The following KLHL3 variants were observed in gnomAD, a reference collection of about 807,000 sequenced individuals.
The protein encoded by KLHL3 is kelch-like protein 3.
Under a neutral mutation model 70.5 loss-of-function variants are expected in KLHL3, and 19 were observed. The observed-to-expected ratio is 0.27, with a 90% confidence interval of 0.19 to 0.40. The LOEUF is 0.40. Ranked by LOEUF, KLHL3 falls within the 10% of genes least tolerant of loss-of-function variation. The pLI, the probability that KLHL3 is intolerant of heterozygous loss-of-function variation, is 1.00. For missense variants in KLHL3, 512 were observed against 771.1 expected (o/e 0.66, Z 3.98); for synonymous variants, 258 against 290.3 (o/e 0.89, Z 1.13).
chr5:137,663,317 A>G (rs901498459), intron 6 of KLHL3, among the ~76,000 whole-genome samples: 6 of 151,814 alleles, frequency 4.0e-5, no homozygotes, highest in African/African-American at 1.5e-4. Flanking sequence ...TTAGCCTCCC[A>G]AAGTGCTGGG....
chr5:137,668,488 A>C (rs1383676781), intron 6 of KLHL3, among the ~76,000 whole-genome samples: 1 of 152,126 alleles, frequency 6.6e-6, no homozygotes, highest in Non-Finnish European at 1.5e-5. Flanking sequence ...TCCTAATTAC[A>C]ATCCTCCACG....
intron 8 of KLHL3, among the ~76,000 whole-genome samples, chr5:137,640,998 A>G (rs1040758572): frequency 9.2e-5 from 14 of 152,240 alleles, no homozygotes; most frequent in Admixed American, 1.3e-4. Flanking sequence ...GTCAAACACA[A>G]TGAAAACTAC....
intron 1 of KLHL3, among the ~76,000 whole-genome samples, chr5:137,726,150 C>T (rs747528607): frequency 1.7e-4 from 26 of 152,164 alleles, no homozygotes; most frequent in Non-Finnish European, 3.5e-4. Context: ...CAGGTCTCTT[C>T]GGGGCTGTGA....
At chr5:137,729,229 T>A (rs1023812961) in intron 1 of KLHL3, among the ~76,000 whole-genome samples, 5 of 152,122 alleles carry the variant, frequency 3.3e-5, no homozygotes, top group African/African-American at 1.2e-4. Context: ...GCAAAACCAC[T>A]CAATGAAGGC....
intron 6 of KLHL3, among the ~76,000 whole-genome samples, chr5:137,669,280 G>T (rs1751690734): frequency 6.6e-6 from 1 of 152,040 alleles, no homozygotes; most frequent in Admixed American, 6.6e-5. Context: ...TCTCCTCTAT[G>T]TGAATATAAG....
intron 8 of KLHL3, among the ~76,000 whole-genome samples, chr5:137,649,802 G>T (rs1360589984): frequency 6.6e-6 from 1 of 152,172 alleles, no homozygotes; most frequent in African/African-American, 2.4e-5. Flanking sequence ...CTCAGTAATT[G>T]ATATCTGCTG....
In KLHL3 at chr5:137,639,848, G is replaced by A. The variant is rs997042285; in HGVS notation, c.1021+12C>T. On this transcript the variant is annotated intron_variant, in intron 9 of 14. Transcript: ENST00000309755. This position sits in a 1 kb window ranked among gnomAD's most constrained non-coding sequence, Gnocchi z 5.0. The stretch of plus-strand genomic sequence containing the variant: ...GGGGAAAAACAGCTTGCAGAACTGG[G>A]AGGCTGCTCACCTGCTCTGCATCTT... 2 of 1,601,382 alleles carry A rather than the reference G, an allele frequency of 1.2e-6. No individual in the cohort carries two copies. The highest frequency in any genetic ancestry group is 2.7e-5 in the African/African-American group (2 of 74,814).
intron 5 of KLHL3, among the ~76,000 whole-genome samples, chr5:137,691,303 T>C (rs1264714147): frequency 6.6e-6 from 1 of 152,194 alleles, no homozygotes; most frequent in Non-Finnish European, 1.5e-5. Flanking sequence ...CTTAGTTCAG[T>C]TGTGGAAATG....
chr5:137,674,645 G>A (rs1484420845), intron 6 of KLHL3, among the ~76,000 whole-genome samples: 1 of 152,126 alleles, frequency 6.6e-6, no homozygotes, highest in Non-Finnish European at 1.5e-5. Flanking sequence ...TGGATTTAGT[G>A]GAACACCAGT....
chr5:137,702,911 A>G (rs992125614), intron 3 of KLHL3, among the ~76,000 whole-genome samples: 1 of 152,188 alleles, frequency 6.6e-6, no homozygotes, highest in African/African-American at 2.4e-5. Flanking sequence ...CAAGCACACT[A>G]TGTGCACAGC....
intron 8 of KLHL3, among the ~76,000 whole-genome samples, chr5:137,642,613 A>G (rs1300776958): frequency 6.6e-6 from 1 of 152,256 alleles, no homozygotes; most frequent in Non-Finnish European, 1.5e-5. Flanking sequence ...GAATACATGA[A>G]TAAAAAGTAA....
At chr5:137,701,951 T>A (rs1445011422) in intron 3 of KLHL3, among the ~76,000 whole-genome samples, 1 of 152,232 alleles carries the variant, frequency 6.6e-6, no homozygotes, top group African/African-American at 2.4e-5. Flanking sequence ...TCTGCTAACA[T>A]GCATGTCCTG....
intron 6 of KLHL3, among the ~76,000 whole-genome samples, chr5:137,663,542 T>G (rs958286628): frequency 1.3e-5 from 2 of 151,348 alleles, no homozygotes; most frequent in African/African-American, 4.8e-5. Context: ...ATAAATATAC[T>G]TTAAATAATT....
At chr5:137,627,857 G>C (rs1445889525) in intron 13 of KLHL3, among the ~76,000 whole-genome samples, 1 of 152,188 alleles carries the variant, frequency 6.6e-6, no homozygotes, top group African/African-American at 2.4e-5. Flanking sequence ...TGCAAGGAAG[G>C]AGACTGCTTT....
chr5:137,657,178 TGAAACCTTCCTG>T (rs1360512960), intron 8 of KLHL3, among the ~76,000 whole-genome samples: 1 of 152,142 alleles, frequency 6.6e-6, no homozygotes, highest in Non-Finnish European at 1.5e-5. Flanking sequence ...CTAGCCACTG[TGAAACCTTCCTG>T]GAAGAAGCAG....
intron 1 of KLHL3, among the ~76,000 whole-genome samples, chr5:137,725,550 A>G (rs2149937603): frequency 6.6e-6 from 1 of 152,318 alleles, no homozygotes; most frequent in East Asian, 1.9e-4. Flanking sequence ...TTGAGCAGCC[A>G]TATTTAAGAT....
chr5:137,628,608 T>A, intron 12 of KLHL3, 171 bp from the exon 13 acceptor site: 1 of 573,384 alleles, frequency 1.7e-6, no homozygotes, highest in Non-Finnish European at 2.9e-6. Flanking sequence ...AATGACACCC[T>A]ACCTGCCTCC....
intron 6 of KLHL3, among the ~76,000 whole-genome samples, chr5:137,674,353 T>C (rs1188064442): frequency 6.6e-6 from 1 of 152,180 alleles, no homozygotes; most frequent in Admixed American, 6.5e-5. Context: ...TTGTGGGAGA[T>C]AAATAACTTG....
chr5:137,683,169 T>TG (rs1464855115), intron 5 of KLHL3, among the ~76,000 whole-genome samples: 5 of 152,130 alleles, frequency 3.3e-5, no homozygotes, highest in African/African-American at 7.2e-5. Flanking sequence ...TGTTGCTTGG[T>TG]GGGAAAAGAC....
Sources: allele counts gnomAD v4.1 joint callset (sites outside exome capture counted in the v4.1 genomes callset), GRCh38; gene constraint gnomAD v4.1.1; non-coding constraint Gnocchi (gnomAD v3.1); transcripts MANE v1.5; gene names NCBI Gene and HGNC (gene_info 2026-07-23, HGNC 2026-07-21).